The following QKI variants were observed in gnomAD, a reference collection of about 807,000 sequenced individuals.
The protein encoded by QKI is KH domain-containing RNA-binding protein QKI.
QKI carries 10 observed loss-of-function variants against 39.0 expected under a neutral mutation model. That is an observed-to-expected ratio of 0.26 (90% CI 0.16 to 0.43). QKI has a LOEUF of 0.43. QKI is among the 20% of genes least tolerant of loss of function. The pLI is 1.00. For synonymous variants in QKI, 204 were observed against 155.4 expected (o/e 1.31, Z -2.33); for missense variants, 218 against 428.0 (o/e 0.51, Z 4.33).
chr6:163,416,262 CAAG>C (rs1787484499), intron 1 of QKI: 1 of 255,644 alleles, frequency 3.9e-6, no homozygotes, highest in South Asian at 3.8e-5. Context: ...TGAAGAATGA[CAAG>C]AAGATTAATG....
chr6:163,569,160 T>C, intron 7 of QKI: 11 of 950,028 alleles, frequency 1.2e-5, no homozygotes, highest in Non-Finnish European at 1.4e-5. Flanking sequence ...TATTTTCTTC[T>C]ATGATTTTGG....
intron 6 of QKI, chr6:163,564,064 A>G: frequency 9.1e-7 from 1 of 1,093,650 alleles, no homozygotes; most frequent in Non-Finnish European, 1.1e-6. Context: ...CCACTTCTCA[A>G]ACTTTATTTG....
intron 1 of QKI, among the ~76,000 whole-genome samples, chr6:163,427,010 A>G (rs1352760033): frequency 6.6e-6 from 1 of 152,142 alleles, no homozygotes; most frequent in African/African-American, 2.4e-5. Context: ...TCTGGGGCAC[A>G]AGGCTTCCCT....
At chr6:163,486,662 T>G (rs1413695505) in intron 3 of QKI, among the ~76,000 whole-genome samples, 2 of 152,204 alleles carry the variant, frequency 1.3e-5, no homozygotes, top group African/African-American at 2.4e-5. Flanking sequence ...CTCAAGAAAA[T>G]TAAAGGCTCC....
At chr6:163,416,054 T>TGGGGGGGGGGG (rs4055815) in intron 1 of QKI, 1 of 96,152 alleles carries the variant, frequency 1.0e-5, no homozygotes, top group Non-Finnish European at 2.0e-5. Flanking sequence ...TTTTCGGGGG[T>TGGGGGGGGGGG]GGGGGGGGGG....
At chr6:163,564,845 T>G in intron 6 of QKI, 1 of 1,513,344 alleles carries the variant, frequency 6.6e-7, no homozygotes. Flanking sequence ...GTATATGACC[T>G]TGGTGCTGCA....
chr6:163,415,085 G>T lies in QKI; in HGVS notation c.-109G>T. The T allele has an allele frequency of 1.0e-6, 1 of 980,672 alleles. No homozygotes were observed. The allele number at this position is 980,672 out of a possible 1,614,324, so 60.7% of individuals were successfully genotyped here. On this transcript the variant is annotated 5_prime_UTR_variant, in exon 1 of 8. Coordinates refer to ENST00000361752, the MANE Select transcript of QKI (RefSeq NM_006775.3). ...GCCAGAGCGGGAGCCGGCGCGGAGC[G>T]GGACGCCGGGTCCCGAGCGGCCCGC...
chr6:163,476,982 G>A (rs915683886), intron 2 of QKI, among the ~76,000 whole-genome samples: 1 of 149,804 alleles, frequency 6.7e-6, no homozygotes, highest in African/African-American at 2.5e-5. Context: ...CTTATTTGAT[G>A]TGATTTTCAG....
At position 163,566,810 on chromosome 6, in the gene QKI, G is replaced by A. The variant is rs1231284434; in HGVS notation, c.1009+15G>A. ...CGCAGACCGAGGTTAGTTTAGTTCT[G>A]CAGTTCTTGTCTATAAGAAATGCGT... is the stretch of plus-strand genomic sequence containing the variant. On this transcript the variant is annotated intron_variant, in intron 7 of 7. Transcript: ENST00000361752. 2 of 1,612,836 alleles carry A rather than the reference G, an allele frequency of 1.2e-6. No homozygotes were observed. The highest frequency in any genetic ancestry group is 2.2e-5 in the East Asian group (1 of 44,828).
intron 1 of QKI, among the ~76,000 whole-genome samples, chr6:163,449,540 T>C (rs181068853): frequency 2.0e-4 from 30 of 152,324 alleles, no homozygotes; most frequent in Admixed American, 7.8e-4. Context: ...AGATGCATTT[T>C]ATGTGAGTTT....
intron 1 of QKI, among the ~76,000 whole-genome samples, chr6:163,449,926 GT>G (rs1383475485): frequency 3.3e-5 from 5 of 151,564 alleles, no homozygotes; most frequent in African/African-American, 7.3e-5. Flanking sequence ...CAGTGTTCTA[GT>G]TTTCCAGTGA....
chr6:163,466,030 CAGG>C (rs1285961490), intron 2 of QKI, among the ~76,000 whole-genome samples: 7 of 150,892 alleles, frequency 4.6e-5, no homozygotes, highest in African/African-American at 1.7e-4. Context: ...AAAGCTGAGG[CAGG>C]AGAATTGCTT....
chr6:163,507,666 G>C (rs796631145), intron 3 of QKI, among the ~76,000 whole-genome samples: 1 of 152,180 alleles, frequency 6.6e-6, no homozygotes, highest in Non-Finnish European at 1.5e-5. Flanking sequence ...TAAGACCATA[G>C]TTGGCACCTG....
At chr6:163,544,356 G>A (rs1171731474) in intron 4 of QKI, among the ~76,000 whole-genome samples, 1 of 152,010 alleles carries the variant, frequency 6.6e-6, no homozygotes, top group Non-Finnish European at 1.5e-5. Flanking sequence ...CATGGGTTTT[G>A]GTATCTGTAG....
Position 163,495,176 on chromosome 6 carries a change from A to C in QKI, c.402+16280A>C, listed in dbSNP as rs182941329. On this transcript the variant is annotated intron_variant, in intron 3 of 7. Transcript: ENST00000361752. Reference sequence around the variant, plus strand: ...GTGATCTGCCTGCCTCGGCCTCCCAAAGTGCTGGGATTACAGGCATGAGCC... The same window carrying C: ...GTGATCTGCCTGCCTCGGCCTCCCACAGTGCTGGGATTACAGGCATGAGCC... 2.0e-4 allele frequency among the ~76,000 whole-genome samples: 30 copies of C among 152,224 alleles called. No individual in the cohort carries two copies. In the East Asian group the frequency reaches 5.6e-3, roughly 28 times the overall value.
At chr6:163,568,449 G>GT in intron 7 of QKI, 8 of 985,518 alleles carry the variant, frequency 8.1e-6, no homozygotes, top group Non-Finnish European at 9.6e-6. Context: ...GTTTTGATTA[G>GT]TCCTGTCACT....
intron 3 of QKI, among the ~76,000 whole-genome samples, chr6:163,529,375 A>G (rs1322474504): frequency 6.6e-6 from 1 of 152,198 alleles, no homozygotes; most frequent in African/African-American, 2.4e-5. Context: ...AATTCAGTAA[A>G]TACTTGTTTA....
intron 3 of QKI, among the ~76,000 whole-genome samples, chr6:163,532,551 G>A (rs978473911): frequency 3.3e-5 from 5 of 152,182 alleles, no homozygotes; most frequent in African/African-American, 1.2e-4. Flanking sequence ...CTTTTAAAAT[G>A]TATTTAGTTG....
rs1783822012 is a variant in QKI at position 163,573,630 on chromosome 6, T to G, written c.*2920T>G. ...AATTGTTTTGCAGTACTTTATTATA[T>G]TGGGTGTCTTGTCTTTTTTGGGCTT... On this transcript the variant is annotated 3_prime_UTR_variant, in exon 8 of 8. Coordinates refer to ENST00000361752, the MANE Select transcript of QKI (RefSeq NM_006775.3). 1 of 152,188 alleles carries G rather than the reference T, an allele frequency of 6.6e-6. No homozygotes were observed. Among genetic ancestry groups the G allele is most frequent in the Non-Finnish European group, 1.5e-5 (1 of 68,022 alleles). 9.4% of individuals were successfully genotyped at this position (152,188 alleles called of 1,614,324 possible). A position where few individuals can be genotyped will look rare whatever the true frequency, so the allele number is the denominator to read the frequency against.
Sources: allele counts gnomAD v4.1 joint callset (sites outside exome capture counted in the v4.1 genomes callset), GRCh38; gene constraint gnomAD v4.1.1; transcripts MANE v1.5; gene names NCBI Gene and HGNC (gene_info 2026-07-23, HGNC 2026-07-21).